The following MEI4 variants were observed in gnomAD, a reference collection of about 807,000 sequenced individuals.
The protein encoded by MEI4 is meiotic double-stranded break formation protein 4.
In MEI4, 27 loss-of-function variants were observed where a neutral mutation model predicts 31.4. The ratio of observed to expected loss-of-function variants is 0.86; its 90% confidence interval spans 0.63 to 1.19. The LOEUF (loss-of-function observed/expected upper bound fraction) is 1.19. Ranked by LOEUF, MEI4 falls within the 50% of genes most tolerant of loss-of-function variation. The pLI is 0.00. For synonymous variants in MEI4, 122 were observed against 145.4 expected, an observed-to-expected ratio of 0.84 and a Z score of 1.16; for missense variants, 329 against 398.9, an observed-to-expected ratio of 0.82 and a Z score of 1.49.
intron 4 of MEI4, among the ~76,000 whole-genome samples, chr6:77,909,932 A>G (rs1766392654): frequency 6.6e-6 from 1 of 152,198 alleles, no homozygotes; most frequent in Non-Finnish European, 1.5e-5. Context: ...GTAATCCAGC[A>G]TATAAATAGA....
chr6:77,752,123 A>G (rs1466285682), intron 2 of MEI4, among the ~76,000 whole-genome samples: 3 of 152,196 alleles, frequency 2.0e-5, no homozygotes, highest in African/African-American at 7.2e-5. Context: ...GTATCTCAAA[A>G]TAATAAGAGC....
chr6:77,875,462 A>G (rs1241879308), intron 4 of MEI4, among the ~76,000 whole-genome samples: 1 of 152,208 alleles, frequency 6.6e-6, no homozygotes, highest in African/African-American at 2.4e-5. Context: ...GCTTTTTGCT[A>G]TATTTGACAT....
At chr6:77,756,036 C>T (rs1767908716) in intron 2 of MEI4, among the ~76,000 whole-genome samples, 1 of 152,146 alleles carries the variant, frequency 6.6e-6, no homozygotes, top group Non-Finnish European at 1.5e-5. Flanking sequence ...GCTTCATTAT[C>T]TTTTCTCTCC....
At chr6:77,761,075 A>T (rs1768033073) in intron 2 of MEI4, 55 bp from the exon 3 acceptor site, 1 of 1,163,132 alleles carries the variant, frequency 8.6e-7, no homozygotes, top group South Asian at 4.4e-5. Context: ...GGCTAGTTTT[A>T]CATGAAGAAA....
chr6:77,796,663 A>G (rs1481911484), intron 3 of MEI4, among the ~76,000 whole-genome samples: 2 of 152,214 alleles, frequency 1.3e-5, no homozygotes, highest in Non-Finnish European at 2.9e-5. Context: ...TAAAATCTGT[A>G]CAATGAATAC....
At position 77,923,248 on chromosome 6, in the gene MEI4, A is replaced by T; in HGVS notation, c.1060A>T (p.Ile354Phe). The change falls in exon 5 of 5, where the codon ATT (isoleucine) becomes TTT (phenylalanine). Residue 354 changes from isoleucine (I) to phenylalanine (F), a missense_variant. Physicochemically the swap from Ile to Phe is conservative, Grantham distance 21. Transcript: ENST00000684080. ...KKFLQKHDET[I>F]FQLSDAFPLF... Reference sequence around the variant, plus strand: ...ATTTCTTCAGAAGCATGATGAAACTATTTTCCAACTTTCTGATGCATTTCC... The same window carrying T: ...ATTTCTTCAGAAGCATGATGAAACTTTTTTCCAACTTTCTGATGCATTTCC... The T allele has an allele frequency of 8.1e-7, 1 of 1,230,474 alleles. No homozygotes were observed. Among genetic ancestry groups the T allele is most frequent in the East Asian group, 3.2e-5 (1 of 31,640 alleles). 76.2% of individuals were successfully genotyped at this position (1,230,474 alleles called of 1,614,324 possible).
At chr6:77,877,520 CA>C (rs1423532783) in intron 4 of MEI4, among the ~76,000 whole-genome samples, 1 of 151,816 alleles carries the variant, frequency 6.6e-6, no homozygotes, top group African/African-American at 2.4e-5. Context: ...TTAGATTTTC[CA>C]ACCTTTTTGA....
intron 1 of MEI4, among the ~76,000 whole-genome samples, chr6:77,678,707 CTCTT>C (rs1378298804): frequency 6.8e-6 from 1 of 146,232 alleles, no homozygotes; most frequent in Non-Finnish European, 1.5e-5. Context: ...TTGGAGTGCA[CTCTT>C]TCTACTTATT....
intron 2 of MEI4, among the ~76,000 whole-genome samples, chr6:77,758,366 T>A (rs1236702003): frequency 1.3e-5 from 2 of 152,184 alleles, no homozygotes; most frequent in Non-Finnish European, 2.9e-5. Context: ...TAGTAGACAC[T>A]TGTTAAATGA....
At chr6:77,699,189 C>CTTTTTTTT (rs70974682) in intron 2 of MEI4, among the ~76,000 whole-genome samples, 1 of 113,832 alleles carries the variant, frequency 8.8e-6, no homozygotes, top group Non-Finnish European at 1.7e-5. Flanking sequence ...TTCAAAGTTT[C>CTTTTTTTT]TTTTTTTTTT....
chr6:77,863,040 A>G (rs1422836574), intron 4 of MEI4, among the ~76,000 whole-genome samples: 6 of 152,230 alleles, frequency 3.9e-5, no homozygotes, highest in African/African-American at 2.4e-5. Context: ...AAAACTAACA[A>G]ACAGAAAGGA....
intron 2 of MEI4, among the ~76,000 whole-genome samples, chr6:77,729,526 A>C (rs1277890500): frequency 6.6e-6 from 1 of 152,136 alleles, no homozygotes; most frequent in Admixed American, 6.5e-5. Flanking sequence ...AAGATTGAAA[A>C]CCAGGGATGT....
chr6:77,786,637 G>T (rs1384005684), intron 3 of MEI4, among the ~76,000 whole-genome samples: 4 of 152,050 alleles, frequency 2.6e-5, no homozygotes, highest in Admixed American at 6.6e-5. Context: ...TTTGTAGTTA[G>T]TATGATTAGT....
intron 1 of MEI4, among the ~76,000 whole-genome samples, chr6:77,689,385 G>T (rs1262474607): frequency 6.6e-6 from 1 of 151,948 alleles, no homozygotes. Context: ...ATGCTGTGAT[G>T]AACATATTTT....
At chr6:77,776,601 G>T (rs1460546358) in intron 3 of MEI4, among the ~76,000 whole-genome samples, 3 of 152,032 alleles carry the variant, frequency 2.0e-5, no homozygotes, top group Non-Finnish European at 4.4e-5. Context: ...CAGTTATCTT[G>T]CTGCCATCTG....
At chr6:77,667,065 A>G (rs1456046211) in intron 1 of MEI4, among the ~76,000 whole-genome samples, 3 of 152,248 alleles carry the variant, frequency 2.0e-5, no homozygotes, top group East Asian at 1.9e-4. Flanking sequence ...GATGAATATT[A>G]TAAACACAGT....
intron 2 of MEI4, among the ~76,000 whole-genome samples, chr6:77,731,582 T>A (rs1206059942): frequency 6.6e-6 from 1 of 151,578 alleles, no homozygotes; most frequent in Admixed American, 6.6e-5. Context: ...GTAGGTTGCC[T>A]GTTCACTCTG....
intron 4 of MEI4, among the ~76,000 whole-genome samples, chr6:77,846,909 T>C (rs938242267): frequency 6.6e-6 from 1 of 152,166 alleles, no homozygotes; most frequent in Non-Finnish European, 1.5e-5. Flanking sequence ...TCTAGGAGAA[T>C]TTTTTTAGGC....
chr6:77,874,616 G>T (rs1309618612), intron 4 of MEI4, among the ~76,000 whole-genome samples: 1 of 151,938 alleles, frequency 6.6e-6, no homozygotes, highest in African/African-American at 2.4e-5. Flanking sequence ...CTGCCTAATT[G>T]CCCTGGCCAG....
Sources: allele counts gnomAD v4.1 joint callset (sites outside exome capture counted in the v4.1 genomes callset), GRCh38; gene constraint gnomAD v4.1.1; transcripts MANE v1.5; gene names NCBI Gene and HGNC (gene_info 2026-07-23, HGNC 2026-07-21).